The following PTPRG variants were observed in gnomAD, a reference collection of about 807,000 sequenced individuals.
PTPRG encodes protein tyrosine phosphatase receptor type G.
Under a neutral mutation model 165.3 loss-of-function variants are expected in PTPRG, and 102 were observed. That is an observed-to-expected ratio of 0.62 (90% CI 0.53 to 0.73). The LOEUF is 0.73. Ranked by LOEUF, PTPRG falls within the 30% of genes least tolerant of loss-of-function variation. The pLI is 0.00. For missense variants in PTPRG, 1,866 were observed against 1,861.4 expected (o/e 1.00, Z -0.05); for synonymous variants, 675 against 669.5 (o/e 1.01, Z -0.13).
At chr3:61,832,596 C>G (rs988789760) in intron 2 of PTPRG, among the ~76,000 whole-genome samples, 2 of 152,138 alleles carry the variant, frequency 1.3e-5, no homozygotes, top group Non-Finnish European at 2.9e-5. Context: ...CCCAGTGGAT[C>G]TTGTAGGGTA....
At chr3:61,691,909 G>T (rs539113260) in intron 1 of PTPRG, among the ~76,000 whole-genome samples, 1 of 152,280 alleles carries the variant, frequency 6.6e-6, no homozygotes, top group African/African-American at 2.4e-5. Context: ...ACAATTTATT[G>T]CTGGGAGGAT....
At chr3:62,057,899 T>C (rs1700684427) in intron 4 of PTPRG, among the ~76,000 whole-genome samples, 1 of 152,178 alleles carries the variant, frequency 6.6e-6, no homozygotes, top group Admixed American at 6.5e-5. Flanking sequence ...AATAGATGAT[T>C]GTATGGAGGA....
At position 62,191,520 on chromosome 3, in the gene PTPRG, C is replaced by G; in HGVS notation, c.1085C>G (p.Ala362Gly). 2 of 1,614,134 alleles carry G rather than the reference C, an allele frequency of 1.2e-6. No homozygotes were observed. Among genetic ancestry groups the G allele is most frequent in the Non-Finnish European group, 1.7e-6 (2 of 1,179,994 alleles). Residue 362 changes from alanine to glycine, a missense_variant, in exon 9 of 30, where the codon GCA (alanine) becomes GGA (glycine). This residue lies in a region of PTPRG where 1,452 missense variants were observed against 1,463.0 expected (regional missense o/e 0.99). Coordinates refer to ENST00000474889, the MANE Select transcript of PTPRG (RefSeq NM_002841.4). ...HMKVQPLNQT[A>G]LQVSWSQPET... ...AAGGTGCAGCCTCTGAACCAGACGG[C>G]ACTGCAGGTGTCCTGGAGCCAGCCG...
chr3:61,996,137 G>A, intron 3 of PTPRG, among the ~76,000 whole-genome samples: 1 of 152,132 alleles, frequency 6.6e-6, no homozygotes, highest in Non-Finnish European at 1.5e-5. Context: ...TGTTGTATCT[G>A]TGGAGTAGAT....
chr3:61,652,611 T>TAAC (rs4019830), intron 1 of PTPRG, among the ~76,000 whole-genome samples: 1 of 150,268 alleles, frequency 6.7e-6, no homozygotes. Flanking sequence ...TTGTTGTTAA[T>TAAC]GTTTCTTTTC....
At chr3:62,268,939 C>T in intron 19 of PTPRG, 96 bp from the exon 20 acceptor site, 2 of 1,318,576 alleles carry the variant, frequency 1.5e-6, no homozygotes, top group Non-Finnish European at 2.0e-6. Flanking sequence ...AAATGGCAAT[C>T]TCACCTGTGT....
At chr3:61,830,566 GTTTT>G (rs57644199) in intron 2 of PTPRG, among the ~76,000 whole-genome samples, 2,427 of 86,256 alleles carry the variant, frequency 0.028, 31 homozygotes, top group African/African-American at 0.065. Flanking sequence ...TTTTGTTTTT[GTTTT>G]TTTTTTTTTT....
intron 2 of PTPRG, among the ~76,000 whole-genome samples, chr3:61,816,332 C>T (rs1296798723): frequency 6.6e-6 from 1 of 152,120 alleles, no homozygotes; most frequent in Non-Finnish European, 1.5e-5. Flanking sequence ...GAGTTTGAGA[C>T]CATCCTGGCC....
At chr3:61,759,877 C>G (rs975420041) in intron 2 of PTPRG, among the ~76,000 whole-genome samples, 2 of 151,716 alleles carry the variant, frequency 1.3e-5, no homozygotes, top group African/African-American at 4.8e-5. Context: ...TTGCTCATAC[C>G]TCTTTTTATC....
Position 62,096,067 on chromosome 3 carries a change from C to T in PTPRG, c.615+17809C>T, listed in dbSNP as rs140898274. Among the ~76,000 whole-genome samples, 441 of 152,192 alleles carry T rather than the reference C, an allele frequency of 2.9e-3. 3 individuals carry two copies. Among genetic ancestry groups the T allele is most frequent in the African/African-American group, 0.01 (434 of 41,518 alleles). On this transcript the variant is annotated intron_variant, in intron 5 of 29. Transcript: ENST00000474889. ...CATTTTGAGCAGATAAGGAGCACTA[C>T]CGAGAGAGTTGAGCTGGAGAGAAGT...
chr3:62,063,692 C>T (rs1215071490), intron 4 of PTPRG, among the ~76,000 whole-genome samples: 1 of 152,148 alleles, frequency 6.6e-6, no homozygotes, highest in Non-Finnish European at 1.5e-5. Context: ...TTGTAGAGAA[C>T]TAGTATCGCT....
rs1703070379 is a variant in PTPRG, at chr3:62,296,613, G to C, written c.*3306G>C. Reference sequence around the variant, plus strand: ...ATGTTCTAAAGTTTATGTTCAAATGGTGCCAGTGAATTTTTATATGAAGGG... The same window carrying C: ...ATGTTCTAAAGTTTATGTTCAAATGCTGCCAGTGAATTTTTATATGAAGGG... On this transcript the variant is annotated 3_prime_UTR_variant, in exon 30 of 30. Transcript: ENST00000474889. The C allele has an allele frequency of 6.6e-6, 1 of 150,598 alleles. No individual in the cohort carries two copies. Among genetic ancestry groups the C allele is most frequent in the East Asian group, 1.9e-4 (1 of 5,170 alleles). The allele number at this position is 150,598 out of a possible 1,614,324, so 9.3% of individuals were successfully genotyped here.
chr3:61,647,445 G>A (rs548164584), intron 1 of PTPRG, among the ~76,000 whole-genome samples: 5 of 152,258 alleles, frequency 3.3e-5, no homozygotes, highest in African/African-American at 1.2e-4. Flanking sequence ...TGGTATGTGC[G>A]ATTAATGAGC....
intron 4 of PTPRG, among the ~76,000 whole-genome samples, chr3:62,042,539 A>C (rs182054837): frequency 6.6e-6 from 1 of 152,044 alleles, no homozygotes; most frequent in African/African-American, 2.4e-5. Context: ...TTTTGCCTGA[A>C]ATTTTCTTCC....
intron 5 of PTPRG, among the ~76,000 whole-genome samples, chr3:62,129,574 C>T (rs1275132743): frequency 1.3e-5 from 2 of 152,106 alleles, no homozygotes; most frequent in Admixed American, 6.5e-5. Flanking sequence ...GAGGGGGTTG[C>T]AAGGGGGCCA....
At chr3:61,823,747 A>G (rs1404182019) in intron 2 of PTPRG, among the ~76,000 whole-genome samples, 1 of 152,232 alleles carries the variant, frequency 6.6e-6, no homozygotes, top group Non-Finnish European at 1.5e-5. Flanking sequence ...GCAAGTAGAA[A>G]TCAATAATGT....
At chr3:61,933,526 A>G (rs1334780750) in intron 2 of PTPRG, among the ~76,000 whole-genome samples, 1 of 152,224 alleles carries the variant, frequency 6.6e-6, no homozygotes, top group East Asian at 1.9e-4. Flanking sequence ...AGTGTAAGTG[A>G]TAATGGAAGT....
chr3:61,759,413 G>T (rs1158202963), intron 2 of PTPRG, among the ~76,000 whole-genome samples: 1 of 152,092 alleles, frequency 6.6e-6, no homozygotes, highest in Non-Finnish European at 1.5e-5. Flanking sequence ...TCAACACTTT[G>T]GAAGGCTGAG....
chr3:62,077,997 C>CA (rs56828286), intron 4 of PTPRG, among the ~76,000 whole-genome samples, 166 bp from the exon 5 acceptor site: 19,008 of 94,024 alleles, frequency 0.2, 1,449 homozygotes, highest in East Asian at 0.34. Flanking sequence ...GACCTTATCT[C>CA]AAAAAAAAAA....
Sources: gnomAD v4.1 joint callset for allele counts (sites outside exome capture counted in the v4.1 genomes callset) on GRCh38, gnomAD v4.1.1 for gene constraint, gnomAD v4.1.1 regional missense constraint, MANE v1.5 for transcripts, NCBI Gene and HGNC (gene_info 2026-07-23, HGNC 2026-07-21) for gene names.